RBFOX1: variants seen among roughly 807,000 people sequenced by gnomAD.
RBFOX1 encodes the protein RNA binding fox-1 homolog 1.
RBFOX1 carries 8 observed loss-of-function variants against 57.7 expected under a neutral mutation model. The observed-to-expected ratio is 0.14, with a 90% CI of 0.08 to 0.25. The LOEUF (loss-of-function observed/expected upper bound fraction) is 0.25, where lower values mean the gene tolerates loss of function less well. RBFOX1 is among the 10% of genes least tolerant of loss of function. The pLI, the probability that RBFOX1 is intolerant of heterozygous loss-of-function variation, is 1.00. For synonymous variants in RBFOX1, 326 were observed against 222.4 expected (o/e 1.47, Z -4.15); for missense variants, 611 against 548.5 (o/e 1.11, Z -1.14).
intron 1 of RBFOX1, among the ~76,000 whole-genome samples, chr16:5,462,554 T>G (rs929063139): frequency 1.3e-5 from 2 of 152,210 alleles, no homozygotes; most frequent in African/African-American, 4.8e-5. Flanking sequence ...TACCAGAGTA[T>G]AAAGTGGCCC....
chr16:7,221,382 T>TATGA (rs972940246), intron 4 of RBFOX1, among the ~76,000 whole-genome samples: 1 of 151,918 alleles, frequency 6.6e-6, no homozygotes, highest in Non-Finnish European at 1.5e-5. Flanking sequence ...TTTATTTATT[T>TATGA]ATGAGACAGA....
intron 2 of RBFOX1, among the ~76,000 whole-genome samples, chr16:6,399,869 G>A (rs992265871): frequency 6.6e-6 from 1 of 152,172 alleles, no homozygotes; most frequent in Non-Finnish European, 1.5e-5. Flanking sequence ...AGGGCAGCAG[G>A]AGAGAGAATG....
intron 3 of RBFOX1, among the ~76,000 whole-genome samples, chr16:6,824,630 A>C (rs1186441795): frequency 6.6e-6 from 1 of 152,224 alleles, no homozygotes; most frequent in African/African-American, 2.4e-5. Flanking sequence ...CTCTGAAGAG[A>C]AAATCCATTC....
intron 4 of RBFOX1, among the ~76,000 whole-genome samples, chr16:7,098,841 C>T (rs530327460): frequency 1.3e-4 from 20 of 152,216 alleles, no homozygotes; most frequent in African/African-American, 4.6e-4. Context: ...TAGTGAGGCA[C>T]AGCTATATTC....
chr16:7,164,711 C>G (rs930208648), intron 4 of RBFOX1, among the ~76,000 whole-genome samples: 1 of 152,186 alleles, frequency 6.6e-6, no homozygotes, highest in African/African-American at 2.4e-5. Context: ...CAGTTTTCCC[C>G]TACCTCATGG....
intron 3 of RBFOX1, among the ~76,000 whole-genome samples, chr16:6,934,733 C>T (rs1482628715): frequency 6.6e-6 from 1 of 151,818 alleles, no homozygotes; most frequent in African/African-American, 2.4e-5. Context: ...GCTGTGAGGC[C>T]CTTTGCTTAG....
chr16:7,413,245 C>G (rs2098446972), intron 4 of RBFOX1, among the ~76,000 whole-genome samples: 1 of 152,036 alleles, frequency 6.6e-6, no homozygotes, highest in Admixed American at 6.6e-5. Context: ...GCATTGGTAA[C>G]CTCTTTGTGC....
At chr16:6,941,130 A>G (rs1055081467) in intron 3 of RBFOX1, among the ~76,000 whole-genome samples, 5 of 152,014 alleles carry the variant, frequency 3.3e-5, no homozygotes, top group Admixed American at 2.6e-4. Context: ...TTTCAAGTCT[A>G]CTGGGATATG....
In RBFOX1 at chr16:6,631,639, A is replaced by G. The variant is rs555916881; in HGVS notation, c.-63-22964A>G. Among the ~76,000 whole-genome samples, 313 of 152,308 alleles carry G rather than the reference A, an allele frequency of 2.1e-3. 3 individuals are homozygous for G. The highest frequency in any genetic ancestry group is 6.8e-3 in the Middle Eastern group (2 of 294). On this transcript the variant is annotated intron_variant, in intron 2 of 15. Transcript: ENST00000550418. ...TGGAGATAGAAAAATAAACAAGGAA[A>G]TCAAGGTTATCAATGCAAATAATGG...
intron 2 of RBFOX1, among the ~76,000 whole-genome samples, chr16:6,521,032 T>C (rs1598789529): frequency 6.6e-6 from 1 of 152,106 alleles, no homozygotes; most frequent in East Asian, 1.9e-4. Context: ...ATCAAAACCT[T>C]TTTACAATGT....
chr16:5,598,223 CA>C (rs58453473), intron 2 of RBFOX1, among the ~76,000 whole-genome samples: 5,699 of 138,776 alleles, frequency 0.041, 318 homozygotes, highest in African/African-American at 0.13. Context: ...GACTCTGTCT[CA>C]AAAAAAAAAA....
chr16:5,708,014 C>T (rs1473143), intron 3 of RBFOX1, among the ~76,000 whole-genome samples: 2 of 151,906 alleles, frequency 1.3e-5, no homozygotes, highest in African/African-American at 2.4e-5. Context: ...AAGGGTTCAC[C>T]ACATGGTTAA....
chr16:6,116,512 T>G (rs938555204), intron 1 of RBFOX1, among the ~76,000 whole-genome samples: 1 of 152,176 alleles, frequency 6.6e-6, no homozygotes, highest in Non-Finnish European at 1.5e-5. Flanking sequence ...TTTTCTTACA[T>G]GAATATGATA....
chr16:6,448,364 G>C (rs1482915356), intron 2 of RBFOX1, among the ~76,000 whole-genome samples: 3 of 151,572 alleles, frequency 2.0e-5, no homozygotes, highest in African/African-American at 4.8e-5. Flanking sequence ...TCACCATGTT[G>C]ACCAGGCTGG....
intron 2 of RBFOX1, among the ~76,000 whole-genome samples, chr16:6,535,118 G>C (rs550534435): frequency 6.6e-6 from 1 of 152,318 alleles, no homozygotes; most frequent in East Asian, 1.9e-4. Context: ...AGCCAGGAGT[G>C]AACAACTGCA....
chr16:6,285,461 C>G (rs2076805249), intron 1 of RBFOX1, among the ~76,000 whole-genome samples: 1 of 152,112 alleles, frequency 6.6e-6, no homozygotes, highest in South Asian at 2.1e-4. Context: ...CCCTGAAATC[C>G]CACATCTCTA....
chr16:6,056,882 A>C (rs1239758932), intron 1 of RBFOX1: 1 of 149,494 alleles, frequency 6.7e-6, no homozygotes, highest in Non-Finnish European at 1.5e-5. Context: ...AGTGAGCTGC[A>C]TACAGAAAGA....
At chr16:7,550,595 T>C (rs987665582) in intron 5 of RBFOX1, among the ~76,000 whole-genome samples, 33 of 152,142 alleles carry the variant, frequency 2.2e-4, no homozygotes, top group African/African-American at 7.5e-4. Context: ...CAAACAGTGC[T>C]CAAAAAGGAT....
chr16:6,913,528 G>C (rs547088804), intron 3 of RBFOX1, among the ~76,000 whole-genome samples: 60 of 152,152 alleles, frequency 3.9e-4, no homozygotes, highest in African/African-American at 1.4e-3. Context: ...CCGATGCCCA[G>C]CACTGAGCCC....
Sources: gnomAD v4.1 joint callset for allele counts (sites outside exome capture counted in the v4.1 genomes callset) on GRCh38, gnomAD v4.1.1 for gene constraint, MANE v1.5 for transcripts, NCBI Gene and HGNC (gene_info 2026-07-23, HGNC 2026-07-21) for gene names.